PIK3C2G: variants seen among roughly 807,000 people sequenced by gnomAD.
PIK3C2G encodes the protein phosphatidylinositol-4-phosphate 3-kinase catalytic subunit type 2 gamma, also known as phosphatidylinositol 3-kinase C2 domain-containing subunit gamma.
In PIK3C2G, 168 loss-of-function variants were observed where a neutral mutation model predicts 181.1. That is an observed-to-expected ratio of 0.93 (90% CI 0.82 to 1.05). The LOEUF is 1.05. Ranked by LOEUF, PIK3C2G falls within the 50% of genes least tolerant of loss-of-function variation. PIK3C2G has a pLI of 0.00. For missense variants in PIK3C2G, 1,869 were observed against 1,732.8 expected, an observed-to-expected ratio of 1.08 and a Z score of -1.40; for synonymous variants, 573 against 592.2, an observed-to-expected ratio of 0.97 and a Z score of 0.47.
At position 18,338,643 on chromosome 12, in the gene PIK3C2G, G is replaced by C. The variant is rs183348350; in HGVS notation, c.1395+95G>C. On this transcript the variant is annotated intron_variant, in intron 9 of 32. Transcript: ENST00000538779. ...ACTTTTTACTAACAACTATATTTCCGTGTGTATGTTTGTGTGTATCTGTGT... is the reference window on the plus strand; with the variant it reads ...ACTTTTTACTAACAACTATATTTCCCTGTGTATGTTTGTGTGTATCTGTGT... The C allele has an allele frequency of 6.1e-6, 5 of 814,928 alleles. No homozygotes were observed. In the East Asian group the frequency reaches 1.2e-4, roughly 20 times the overall value. The allele number at this position is 814,928 out of a possible 1,614,324, so 50.5% of individuals were successfully genotyped here.
intron 13 of PIK3C2G, among the ~76,000 whole-genome samples, chr12:18,371,651 G>A (rs1942073813): frequency 6.6e-6 from 1 of 152,150 alleles, no homozygotes; most frequent in African/African-American, 2.4e-5. Flanking sequence ...TAGAAAGAAT[G>A]TAAGTCATGG....
the PIK3C2G span, chr12:18,705,161 G>A: frequency 7.4e-6 from 12 of 1,613,756 alleles, no homozygotes; most frequent in African/African-American, 1.3e-5. Context: ...AGAAAAAAAT[G>A]TTACCTCTGG....
intron 18 of PIK3C2G, among the ~76,000 whole-genome samples, chr12:18,443,507 A>G (rs952356384): frequency 3.9e-5 from 6 of 151,982 alleles, no homozygotes; most frequent in African/African-American, 1.4e-4. Flanking sequence ...TTCTTTTGTT[A>G]TATCTTTGTT....
At position 18,488,442 on chromosome 12, in the gene PIK3C2G, C is replaced by T. The variant is rs538932398; in HGVS notation, c.2505-7C>T. 6.7e-7 allele frequency: 1 copy of T among 1,495,908 alleles called. No individual in the cohort carries two copies. The highest frequency in any genetic ancestry group is 2.5e-5 in the East Asian group (1 of 40,252). 92.7% of individuals were successfully genotyped at this position (1,495,908 alleles called of 1,614,324 possible). ...TACAAGAATTTTTTTCTCTCTCTTT[C>T]CTTCAGGCTGCTAAAAAATGCAGAA... On this transcript the variant is annotated splice_region_variant and splice_polypyrimidine_tract_variant and intron_variant, in intron 18 of 32. Transcript: ENST00000538779.
intron 5 of PIK3C2G, among the ~76,000 whole-genome samples, chr12:18,311,364 T>G (rs1377753297): frequency 1.3e-5 from 2 of 152,162 alleles, no homozygotes; most frequent in Non-Finnish European, 2.9e-5. Context: ...ATATGTTTCA[T>G]GTAGTATTTT....
At position 18,499,178 on chromosome 12, in the gene PIK3C2G, A is replaced by G. The variant is rs181944364; in HGVS notation, c.3016+1430A>G. Among the ~76,000 whole-genome samples the G allele has an allele frequency of 1.2e-4, 18 of 152,362 alleles. No homozygotes were observed. The East Asian group carries it at 3.5e-3, about 29-fold the overall frequency. On this transcript the variant is annotated intron_variant, in intron 22 of 32. Coordinates refer to ENST00000538779, the MANE Select transcript of PIK3C2G (RefSeq NM_001288772.2). ...CTTATCCAAAGTTGTAGATGTCGCA[A>G]GACAAAAGTTATTTTTCTTCTCTGT...
intron 1 of PIK3C2G, among the ~76,000 whole-genome samples, chr12:18,268,034 A>T (rs1053400024): frequency 1.3e-5 from 2 of 152,172 alleles, no homozygotes; most frequent in Non-Finnish European, 2.9e-5. Flanking sequence ...GGTGGAGGGA[A>T]TTGATCCGAC....
At chr12:18,599,660 G>GAATA (rs200912761) in intron 30 of PIK3C2G, among the ~76,000 whole-genome samples, 4,058 of 146,280 alleles carry the variant, frequency 0.028, 61 homozygotes, top group Middle Eastern at 0.057. Context: ...ATAAATGAAT[G>GAATA]AATAAATAAA....
At chr12:18,404,334 G>A (rs1292085014) in intron 16 of PIK3C2G, among the ~76,000 whole-genome samples, 2 of 152,072 alleles carry the variant, frequency 1.3e-5, no homozygotes, top group East Asian at 1.9e-4. Flanking sequence ...AAAAATATGT[G>A]TACAGACAAA....
intron 11 of PIK3C2G, among the ~76,000 whole-genome samples, chr12:18,360,285 C>G (rs988943485): frequency 2.6e-5 from 4 of 152,068 alleles, no homozygotes. Context: ...ATTTCTCCTC[C>G]CACCACACTT....
At chr12:18,245,254 T>A (rs1374230763), upstream of PIK3C2G, among the ~76,000 whole-genome samples, 2 of 152,096 alleles carry the variant, frequency 1.3e-5, no homozygotes, top group Non-Finnish European at 2.9e-5. Flanking sequence ...ATCCTTCATG[T>A]TTTAGAACCT....
At chr12:18,690,078 C>T in the PIK3C2G span, among the ~76,000 whole-genome samples, 1 of 151,998 alleles carries the variant, frequency 6.6e-6, no homozygotes, top group Non-Finnish European at 1.5e-5. Context: ...TTCACTTTCT[C>T]AATAAAAGAG....
intron 29 of PIK3C2G, among the ~76,000 whole-genome samples, chr12:18,585,064 C>A (rs1946701781): frequency 6.6e-6 from 1 of 152,046 alleles, no homozygotes; most frequent in African/African-American, 2.4e-5. Context: ...AGAAAGGAAG[C>A]ATTATTATCA....
chr12:18,567,517 A>G (rs760346870), intron 29 of PIK3C2G, among the ~76,000 whole-genome samples: 6 of 152,046 alleles, frequency 3.9e-5, no homozygotes, highest in Non-Finnish European at 8.8e-5. Flanking sequence ...CAAGTATAGA[A>G]CCTTGACTTC....
chr12:18,258,404 GA>G (rs754868817), upstream of PIK3C2G, among the ~76,000 whole-genome samples: 5 of 151,910 alleles, frequency 3.3e-5, no homozygotes, highest in Non-Finnish European at 7.4e-5. Context: ...CTGTCTACCT[GA>G]AATTTTGGTA....
intron 12 of PIK3C2G, among the ~76,000 whole-genome samples, chr12:18,366,704 A>AAACTTGAG (rs1941666631): frequency 6.6e-6 from 1 of 151,874 alleles, no homozygotes; most frequent in South Asian, 2.1e-4. Flanking sequence ...CATGTGGTTA[A>AAACTTGAG]AACTTGAGAT....
chr12:18,325,207 A>T, intron 8 of PIK3C2G, 109 bp downstream of exon 8: 1 of 552,368 alleles, frequency 1.8e-6, no homozygotes, highest in Non-Finnish European at 3.2e-6. Flanking sequence ...AATAAAACAG[A>T]GGATCTACAC....
At chr12:18,433,302 C>A (rs761385243) in intron 18 of PIK3C2G, among the ~76,000 whole-genome samples, 31 of 152,092 alleles carry the variant, frequency 2.0e-4, no homozygotes, top group Admixed American at 5.9e-4. Context: ...GTCATGAGAT[C>A]AGGAGTTTCA....
chr12:18,700,512 C>CAAAAAAAAA, the PIK3C2G span, among the ~76,000 whole-genome samples: 1,312 of 67,892 alleles, frequency 0.019, 249 homozygotes, highest in Non-Finnish European at 0.027. Context: ...AGCCAACGTA[C>CAAAAAAAAA]AAAAAAAAAA....
Sources: gnomAD v4.1 joint callset for allele counts (sites outside exome capture counted in the v4.1 genomes callset) on GRCh38, gnomAD v4.1.1 for gene constraint, MANE v1.5 for transcripts, NCBI Gene and HGNC (gene_info 2026-07-23, HGNC 2026-07-21) for gene names.